MBNL2: variants seen among roughly 807,000 people sequenced by gnomAD.
MBNL2 encodes muscleblind-like protein 2.
A neutral mutation model predicts 41.9 loss-of-function variants in MBNL2; 17 were observed. The ratio of observed to expected loss-of-function variants is 0.41; its 90% CI spans 0.28 to 0.61. MBNL2 has a LOEUF of 0.61. Among genes scored for constraint, MBNL2 ranks in the 20% least tolerant of loss-of-function variants. MBNL2 has a pLI of 0.35. For synonymous variants in MBNL2, 195 were observed against 182.9 expected (o/e 1.07, Z -0.53); for missense variants, 336 against 505.6 (o/e 0.66, Z 3.22).
At chr13:97,218,435 C>CAAACA (rs1555302238), upstream of MBNL2, among the ~76,000 whole-genome samples, 17 of 67,556 alleles carry the variant, frequency 2.5e-4, 1 homozygote, top group South Asian at 7.0e-3. Flanking sequence ...CAAAACAAAA[C>CAAACA]AAAACAAAAA....
chr13:97,359,642 A>G (rs1382877221), intron 7 of MBNL2, among the ~76,000 whole-genome samples: 1 of 152,174 alleles, frequency 6.6e-6, no homozygotes. Context: ...GTGGTTGTGT[A>G]CTTCCGCCCT....
intron 2 of MBNL2, among the ~76,000 whole-genome samples, chr13:97,325,543 C>T (rs2059841533): frequency 6.6e-6 from 1 of 152,072 alleles, no homozygotes. Flanking sequence ...CCAGCCTGGG[C>T]AACACAGTGC....
the MBNL2 span, among the ~76,000 whole-genome samples, chr13:97,178,794 G>C: frequency 6.6e-6 from 1 of 152,150 alleles, no homozygotes; most frequent in Non-Finnish European, 1.5e-5. Flanking sequence ...CGACTGGGGA[G>C]GCTGAGGTGG....
At chr13:97,189,300 C>G in the MBNL2 span, among the ~76,000 whole-genome samples, 1 of 152,152 alleles carries the variant, frequency 6.6e-6, no homozygotes, top group Non-Finnish European at 1.5e-5. Flanking sequence ...ACTGTGCCTT[C>G]CATCTTGGTT....
At chr13:97,182,118 A>G in the MBNL2 span, among the ~76,000 whole-genome samples, 1 of 152,188 alleles carries the variant, frequency 6.6e-6, no homozygotes, top group African/African-American at 2.4e-5. Flanking sequence ...TACTTTGACT[A>G]TTAAAAGATA....
At chr13:97,159,077 C>T in the MBNL2 span, among the ~76,000 whole-genome samples, 1 of 151,924 alleles carries the variant, frequency 6.6e-6, no homozygotes, top group Non-Finnish European at 1.5e-5. Context: ...AATCTGGGTG[C>T]TCCTGTATTG....
chr13:97,221,613 CT>C (rs1473308495), upstream of MBNL2: 2 of 152,136 alleles, frequency 1.3e-5, no homozygotes, highest in Non-Finnish European at 1.5e-5. Context: ...TAAAGCACAC[CT>C]AATCCTCTCG....
the MBNL2 span, among the ~76,000 whole-genome samples, chr13:97,209,214 C>G: frequency 6.6e-6 from 1 of 152,116 alleles, no homozygotes; most frequent in African/African-American, 2.4e-5. Context: ...TTATTTTCTT[C>G]TATATAAACA....
rs2056670154 is a variant in MBNL2 at position 97,294,252 on chromosome 13, TAATG to T, written c.174+17849_174+17852del. Among the ~76,000 whole-genome samples, 5 of 152,322 alleles carry T rather than the reference TAATG, an allele frequency of 3.3e-5. No homozygotes were observed. The South Asian group carries it at 1.0e-3, about 32-fold the overall frequency. On this transcript the variant is annotated intron_variant, in intron 2 of 8. Transcript: ENST00000679496. ...ACTGTTTCCAAAACCCCTCACCAATTAATGAATGACTCTGTTCAATATTGTGCCA... is the reference window on the plus strand; with the variant it reads ...ACTGTTTCCAAAACCCCTCACCAATTAATGACTCTGTTCAATATTGTGCCA...
At chr13:97,184,293 G>A in the MBNL2 span, among the ~76,000 whole-genome samples, 13 of 152,292 alleles carry the variant, frequency 8.5e-5, no homozygotes, top group East Asian at 1.9e-4. Flanking sequence ...TTGGTAAGAC[G>A]TGAGAATAAT....
chr13:97,338,528 C>T (rs540593357), intron 3 of MBNL2, among the ~76,000 whole-genome samples: 1 of 152,156 alleles, frequency 6.6e-6, no homozygotes, highest in Non-Finnish European at 1.5e-5. Context: ...CCCTGACAAC[C>T]CTTCTGTCTC....
chr13:97,219,328 C>T (rs1026415726), upstream of MBNL2, among the ~76,000 whole-genome samples: 4 of 152,330 alleles, frequency 2.6e-5, 1 homozygote, highest in Middle Eastern at 0.014. Context: ...GCAGGGGCTA[C>T]ATGGCACAGA....
chr13:97,242,759 C>T (rs2044556813), intron 1 of MBNL2, among the ~76,000 whole-genome samples: 1 of 150,612 alleles, frequency 6.6e-6, no homozygotes, highest in African/African-American at 2.4e-5. Context: ...GCAGGACTTA[C>T]TTGTTCCTTT....
chr13:97,382,221 TCTC>T (rs2065517291), intron 8 of MBNL2, among the ~76,000 whole-genome samples: 1 of 152,232 alleles, frequency 6.6e-6, no homozygotes, highest in Non-Finnish European at 1.5e-5. Flanking sequence ...GAAATTCAGT[TCTC>T]CTACAGAGAC....
intron 1 of MBNL2, among the ~76,000 whole-genome samples, chr13:97,258,038 C>T (rs1018546119): frequency 2.0e-5 from 3 of 152,146 alleles, no homozygotes; most frequent in African/African-American, 7.2e-5. Flanking sequence ...TGACGAGCCT[C>T]TGAGGAGCGC....
intron 5 of MBNL2, among the ~76,000 whole-genome samples, chr13:97,356,165 T>A (rs2062963816): frequency 6.6e-6 from 1 of 152,184 alleles, no homozygotes; most frequent in Admixed American, 6.5e-5. Context: ...TTGAGACAAT[T>A]ATCCACATGA....
the MBNL2 span, among the ~76,000 whole-genome samples, chr13:97,153,077 C>T: frequency 6.6e-6 from 1 of 152,056 alleles, no homozygotes; most frequent in Non-Finnish European, 1.5e-5. Context: ...GCAATTGGCA[C>T]ATAGAAAACC....
chr13:97,234,986 C>A lies in MBNL2; in HGVS notation c.-605+12455C>A, dbSNP rs182261855. On this transcript the variant is annotated intron_variant, in intron 1 of 8. Transcript: ENST00000679496. ...AGGCTGCACTAACCTGCCCTCCTTCCTCGTAGAAGGAGAAACCAGGAAGGA... is the reference window on the plus strand; with the variant it reads ...AGGCTGCACTAACCTGCCCTCCTTCATCGTAGAAGGAGAAACCAGGAAGGA... 6.2e-4 allele frequency among the ~76,000 whole-genome samples: 94 copies of A among 151,764 alleles called. 4 individuals carry two copies. The South Asian group carries it at 0.015, about 25-fold the overall frequency.
chr13:97,184,645 G>A, the MBNL2 span, among the ~76,000 whole-genome samples: 1 of 152,138 alleles, frequency 6.6e-6, no homozygotes, highest in African/African-American at 2.4e-5. Context: ...ACCACAGCTG[G>A]CTAATTTTTG....
Sources: allele counts gnomAD v4.1 joint callset (sites outside exome capture counted in the v4.1 genomes callset), GRCh38; gene constraint gnomAD v4.1.1; transcripts MANE v1.5; gene names NCBI Gene and HGNC (gene_info 2026-07-23, HGNC 2026-07-21).